The following FKBP5 variants were observed in gnomAD, a reference collection of about 807,000 sequenced individuals.
FKBP5 encodes FKBP prolyl isomerase 5, also known as peptidyl-prolyl cis-trans isomerase FKBP5.
Under a neutral mutation model 50.5 loss-of-function variants are expected in FKBP5, and 23 were observed. The observed-to-expected ratio is 0.46, with a 90% CI of 0.33 to 0.65. The LOEUF (loss-of-function observed/expected upper bound fraction) is 0.65, where lower values mean the gene tolerates loss of function less well. Among genes scored for constraint, FKBP5 ranks in the 30% least tolerant of loss-of-function variants. The pLI is 0.02. For missense variants in FKBP5, 411 were observed against 553.1 expected (o/e 0.74, Z 2.58); for synonymous variants, 176 against 190.6 (o/e 0.92, Z 0.63).
At chr6:35,637,487 G>A (rs1364680494) in intron 2 of FKBP5, among the ~76,000 whole-genome samples, 6 of 136,802 alleles carry the variant, frequency 4.4e-5, no homozygotes, top group South Asian at 2.2e-4. Flanking sequence ...TTTTTGAGAC[G>A]GAGTCTTGCC....
intron 2 of FKBP5, among the ~76,000 whole-genome samples, chr6:35,638,178 T>C (rs1764370471): frequency 6.6e-6 from 1 of 152,222 alleles, no homozygotes; most frequent in Admixed American, 6.5e-5. Flanking sequence ...TGTGATGGTG[T>C]AATTTGTTAA....
chr6:35,655,862 A>G (rs1214034430), intron 1 of FKBP5, among the ~76,000 whole-genome samples: 1 of 152,226 alleles, frequency 6.6e-6, no homozygotes, highest in Non-Finnish European at 1.5e-5. Context: ...ATTAAAATCT[A>G]TCTCTGAAGT....
intron 7 of FKBP5, among the ~76,000 whole-genome samples, chr6:35,590,780 T>C (rs1762793333): frequency 6.6e-6 from 1 of 151,688 alleles, no homozygotes; most frequent in African/African-American, 2.4e-5. Flanking sequence ...AAGGAGCCAC[T>C]TGGCAGAACG....
intron 6 of FKBP5, among the ~76,000 whole-genome samples, chr6:35,595,794 T>C (rs561852143): frequency 8.6e-5 from 13 of 151,778 alleles, no homozygotes; most frequent in African/African-American, 2.7e-4. Context: ...ATGGAAGAGA[T>C]AGCTTTTTCT....
chr6:35,630,544 C>CA (rs1040902188), intron 3 of FKBP5, among the ~76,000 whole-genome samples: 113 of 150,468 alleles, frequency 7.5e-4, no homozygotes, highest in Non-Finnish European at 1.4e-3. Context: ...GACTCCGTCT[C>CA]AAAAAAAAAG....
rs80241415 is a variant in FKBP5 at position 35,580,902 on chromosome 6, A to G, written c.841-681T>C. On this transcript the variant is annotated intron_variant, in intron 8 of 10. Coordinates refer to ENST00000357266, the MANE Select transcript of FKBP5 (RefSeq NM_004117.4). ...TAGACTATGCCACTAAAAAAATGAA[A>G]AGGAAGTTACTTTTCTTTTCAGCAC... The G allele has an allele frequency of 2.1e-3, 2,094 of 985,224 alleles. 14 individuals carry two copies. In the African/African-American group the frequency reaches 0.024, roughly 11 times the overall value. The allele number at this position is 985,224 out of a possible 1,614,324, so 61.0% of individuals were successfully genotyped here.
intron 5 of FKBP5, among the ~76,000 whole-genome samples, chr6:35,609,605 T>C (rs1763430784): frequency 6.6e-6 from 1 of 152,210 alleles, no homozygotes; most frequent in South Asian, 2.1e-4. Context: ...AATTTTCTAT[T>C]AGATGTTTGA....
intron 5 of FKBP5, among the ~76,000 whole-genome samples, chr6:35,615,837 A>C (rs1388808334): frequency 6.6e-6 from 1 of 152,242 alleles, no homozygotes; most frequent in Non-Finnish European, 1.5e-5. Context: ...ATGGTTTCCC[A>C]CCTTAACCCA....
At chr6:35,728,211 A>T (rs1405446426) in intron 1 of FKBP5, among the ~76,000 whole-genome samples, 6 of 152,192 alleles carry the variant, frequency 3.9e-5, no homozygotes, top group African/African-American at 7.2e-5. Context: ...TCACCAGATC[A>T]ACCGCTCTTG....
Position 35,614,533 on chromosome 6 carries a change from AAAG to A in FKBP5, c.508+4560_508+4562del, listed in dbSNP as rs763760606. On this transcript the variant is annotated intron_variant, in intron 5 of 10. Coordinates refer to ENST00000357266, the MANE Select transcript of FKBP5 (RefSeq NM_004117.4). ...AATCACATTGAAGGGGGTGAGGAAG[AAAG>A]AAGTTACCTCAGTTGGAAAGCAAGT... Among the ~76,000 whole-genome samples the A allele has an allele frequency of 6.1e-4, 93 of 152,126 alleles. 1 individual carries two copies. Among genetic ancestry groups the A allele is most frequent in the Non-Finnish European group, 1.6e-4 (11 of 68,028 alleles).
At chr6:35,630,552 A>G (rs1222702455) in intron 3 of FKBP5, among the ~76,000 whole-genome samples, 1 of 152,174 alleles carries the variant, frequency 6.6e-6, no homozygotes, top group Non-Finnish European at 1.5e-5. Flanking sequence ...CTCAAAAAAA[A>G]AGAGAAATTT....
At chr6:35,606,379 C>T (rs116167211) in intron 5 of FKBP5, among the ~76,000 whole-genome samples, 4,230 of 151,946 alleles carry the variant, frequency 0.028, 179 homozygotes, top group African/African-American at 0.096. Flanking sequence ...AAGTCAAGGC[C>T]GGGCGCTGTG....
At chr6:35,591,597 A>G (rs984945807) in intron 6 of FKBP5, among the ~76,000 whole-genome samples, 2 of 151,746 alleles carry the variant, frequency 1.3e-5, no homozygotes, top group Non-Finnish European at 2.9e-5. Flanking sequence ...CCTAAGTTTT[A>G]TCAGCAAAAA....
intron 1 of FKBP5, 129 bp downstream of exon 1, chr6:35,688,675 G>A (rs2151014658): frequency 6.6e-6 from 1 of 150,914 alleles, no homozygotes; most frequent in East Asian, 1.9e-4. Flanking sequence ...GCGGCTCCTG[G>A]GCTGCGAAGC....
In FKBP5 at chr6:35,631,860, C is replaced by T. The variant is rs1764167713; in HGVS notation, c.250+5154G>A. Among the ~76,000 whole-genome samples the T allele has an allele frequency of 2.7e-5, 4 of 145,494 alleles. No individual in the cohort carries two copies. The South Asian group carries it at 8.5e-4, about 31-fold the overall frequency. ...GTCCCAGCTACTCAGGAGGCTGAGG[C>T]AAGAGAATCGCTTGAATCCGGGAGG... On this transcript the variant is annotated intron_variant, in intron 3 of 10. Coordinates refer to ENST00000357266, the MANE Select transcript of FKBP5 (RefSeq NM_004117.4).
intron 5 of FKBP5, among the ~76,000 whole-genome samples, chr6:35,605,383 C>CTTTTTTTTTTTTT (rs1158530509): frequency 1.9e-5 from 1 of 52,268 alleles, no homozygotes; most frequent in Non-Finnish European, 3.5e-5. Context: ...ATGACAATAT[C>CTTTTTTTTTTTTT]TTTTTTTTTT....
chr6:35,586,477 G>A, intron 8 of FKBP5: 1 of 988,118 alleles, frequency 1.0e-6, no homozygotes, highest in Non-Finnish European at 1.2e-6. Flanking sequence ...ACAGTCTAAA[G>A]GAAGATGGGC....
intron 3 of FKBP5, among the ~76,000 whole-genome samples, chr6:35,626,234 C>T (rs927752486): frequency 6.6e-6 from 1 of 151,886 alleles, no homozygotes; most frequent in Non-Finnish European, 1.5e-5. Context: ...AATTTAAATG[C>T]TTTTTATACG....
chr6:35,608,580 C>T (rs550624064), intron 5 of FKBP5, among the ~76,000 whole-genome samples: 3 of 152,146 alleles, frequency 2.0e-5, no homozygotes, highest in South Asian at 4.2e-4. Flanking sequence ...CCAGCTACTC[C>T]GGTGGCTGAG....
Sources: gnomAD v4.1 joint callset for allele counts (sites outside exome capture counted in the v4.1 genomes callset) on GRCh38, gnomAD v4.1.1 for gene constraint, MANE v1.5 for transcripts, NCBI Gene and HGNC (gene_info 2026-07-23, HGNC 2026-07-21) for gene names.